OSBPL6: variants seen among roughly 807,000 people sequenced by gnomAD.
The protein encoded by OSBPL6 is oxysterol binding protein like 6.
OSBPL6 carries 49 observed loss-of-function variants against 125.8 expected under a neutral mutation model. The ratio of observed to expected loss-of-function variants is 0.39; its 90% CI spans 0.31 to 0.49. The LOEUF is 0.49. Among genes scored for constraint, OSBPL6 ranks in the 20% least tolerant of loss-of-function variants. The probability of loss-of-function intolerance (pLI) is 0.88; values close to 1 mark genes in which losing one functional copy is unlikely to be tolerated. For synonymous variants in OSBPL6, 394 were observed against 391.8 expected, an observed-to-expected ratio of 1.01 and a Z score of -0.07; for missense variants, 986 against 1,135.4, an observed-to-expected ratio of 0.87 and a Z score of 1.89.
chr2:178,331,651 G>A (rs373229948), intron 6 of OSBPL6, 46 bp downstream of exon 6: 29 of 1,583,108 alleles, frequency 1.8e-5, no homozygotes, highest in Non-Finnish European at 2.3e-5. Flanking sequence ...TTCGAATTCT[G>A]CTTGAAGTGA....
rs1311670976 is a variant in OSBPL6 at position 178,395,711 on chromosome 2, G to A, written c.*152G>A. 2 of 515,670 alleles carry A rather than the reference G, an allele frequency of 3.9e-6. No individual in the cohort carries two copies. Among genetic ancestry groups the A allele is most frequent in the Non-Finnish European group, 6.9e-6 (2 of 288,102 alleles). 31.9% of individuals were successfully genotyped at this position (515,670 alleles called of 1,614,324 possible). ...ATCTTTATAATGGACTTTCAGAAGT[G>A]CATTAGACAAGGCCCCTAACCACTT... On this transcript the variant is annotated 3_prime_UTR_variant, in exon 25 of 25. Coordinates refer to ENST00000190611, the MANE Select transcript of OSBPL6 (RefSeq NM_032523.4).
intron 1 of OSBPL6, among the ~76,000 whole-genome samples, chr2:178,253,344 A>C (rs2154005616): frequency 6.6e-6 from 1 of 152,332 alleles, no homozygotes; most frequent in African/African-American, 2.4e-5. Flanking sequence ...TATGAGCAGA[A>C]GTCATCACTG....
At chr2:178,300,282 A>C (rs1686162724) in intron 2 of OSBPL6, among the ~76,000 whole-genome samples, 1 of 152,174 alleles carries the variant, frequency 6.6e-6, no homozygotes, top group Admixed American at 6.5e-5. Context: ...GATGTTCCTC[A>C]TAGACAAGGA....
At chr2:178,309,419 T>C (rs1687066460) in intron 3 of OSBPL6, among the ~76,000 whole-genome samples, 1 of 152,222 alleles carries the variant, frequency 6.6e-6, no homozygotes, top group Non-Finnish European at 1.5e-5. Context: ...GTATTTTTAT[T>C]ACAAATTTTC....
At chr2:178,344,432 C>G in intron 11 of OSBPL6, 1 of 1,420,776 alleles carries the variant, frequency 7.0e-7, no homozygotes, top group Non-Finnish European at 9.9e-7. Flanking sequence ...ACTCCCCTGT[C>G]CTGATGGTGC....
intron 1 of OSBPL6, among the ~76,000 whole-genome samples, chr2:178,239,895 G>A (rs995173494): frequency 6.6e-6 from 1 of 151,844 alleles, no homozygotes; most frequent in Non-Finnish European, 1.5e-5. Context: ...TGAAAGTGCT[G>A]GGATTACAGG....
intron 1 of OSBPL6, among the ~76,000 whole-genome samples, chr2:178,205,521 T>C (rs1000148960): frequency 6.6e-6 from 1 of 152,108 alleles, no homozygotes; most frequent in African/African-American, 2.4e-5. Context: ...ACAACAAAGC[T>C]TCTAGAAAAA....
At chr2:178,262,039 G>A (rs902843342) in intron 1 of OSBPL6, among the ~76,000 whole-genome samples, 6 of 151,656 alleles carry the variant, frequency 4.0e-5, no homozygotes, top group Admixed American at 6.6e-5. Context: ...GAGGCAATGT[G>A]TAAGGCATTT....
chr2:178,219,717 G>GGCC (rs1405472970), intron 1 of OSBPL6, among the ~76,000 whole-genome samples: 1 of 152,190 alleles, frequency 6.6e-6, no homozygotes, highest in African/African-American at 2.4e-5. Flanking sequence ...CTAATTACGT[G>GGCC]CTGTTAAATC....
At chr2:178,362,098 C>T (rs763678591) in intron 13 of OSBPL6, among the ~76,000 whole-genome samples, 1 of 152,050 alleles carries the variant, frequency 6.6e-6, no homozygotes, top group South Asian at 2.1e-4. Flanking sequence ...TATAAGGTAG[C>T]CCCTCATTTT....
chr2:178,296,326 A>T (rs370063866), intron 2 of OSBPL6, among the ~76,000 whole-genome samples: 4 of 152,294 alleles, frequency 2.6e-5, no homozygotes, highest in South Asian at 4.1e-4. Context: ...AGTTATTACT[A>T]TCCCTGTTTT....
At position 178,332,978 on chromosome 2, in the gene OSBPL6, A is replaced by G. The variant is rs372381868; in HGVS notation, c.594A>G (p.Ile198Met). 3.3e-5 allele frequency: 54 copies of G among 1,614,062 alleles called. No homozygotes were observed. The highest frequency in any genetic ancestry group is 5.0e-5 in the Admixed American group (3 of 60,002). The change falls in exon 8 of 25, where the codon ATA becomes ATG. Residue 198 changes from isoleucine to methionine, a missense_variant. Physicochemically the swap from Ile to Met is conservative, Grantham distance 10. This residue lies in a region of OSBPL6 where 843 missense variants were observed against 997.3 expected (regional missense o/e 0.85). Coordinates refer to ENST00000190611, the MANE Select transcript of OSBPL6 (RefSeq NM_032523.4). The stretch of plus-strand genomic sequence containing the variant: ...CACCAAGAGATGCTAGTTTTCACAT[A>G]TTTCCTTCAACGTCCACAGCTGAAT... ...VRSPRDASFH[I>M]FPSTSTAESS...
chr2:178,310,911 C>T (rs945031420), intron 3 of OSBPL6, among the ~76,000 whole-genome samples: 3 of 152,292 alleles, frequency 2.0e-5, no homozygotes, highest in Middle Eastern at 3.4e-3. Context: ...TTGGTCTGAG[C>T]CACCGTCATT....
chr2:178,371,142 G>A (rs914916809), intron 13 of OSBPL6, among the ~76,000 whole-genome samples: 2 of 152,098 alleles, frequency 1.3e-5, no homozygotes, highest in African/African-American at 4.8e-5. Flanking sequence ...TCTTCTAATC[G>A]CTGATCTTAA....
At chr2:178,341,836 G>A (rs1025521126) in intron 11 of OSBPL6, among the ~76,000 whole-genome samples, 8 of 152,068 alleles carry the variant, frequency 5.3e-5, no homozygotes, top group Non-Finnish European at 1.2e-4. Flanking sequence ...AAACCAACAG[G>A]TCTTGCAGGA....
intron 2 of OSBPL6, among the ~76,000 whole-genome samples, chr2:178,295,465 C>T (rs1031268204): frequency 1.3e-5 from 2 of 152,190 alleles, no homozygotes; most frequent in Non-Finnish European, 2.9e-5. Flanking sequence ...TCCACTACAA[C>T]GGCAGTTTGA....
rs2088742180 is a variant in OSBPL6, at chr2:178,194,618, T to G, written c.-407T>G. On this transcript the variant is annotated 5_prime_UTR_variant, in exon 1 of 25. Transcript: ENST00000190611. The stretch of plus-strand genomic sequence containing the variant: ...CGGGGCCGGCTCTCCGCCTCCTGCC[T>G]CCCGTCGCAGCCGCGCAGCCGCCGC... 1 of 153,468 alleles carries G rather than the reference T, an allele frequency of 6.5e-6. No homozygotes were observed. The highest frequency in any genetic ancestry group is 1.4e-5 in the Non-Finnish European group (1 of 69,256). 9.5% of individuals were successfully genotyped at this position (153,468 alleles called of 1,614,324 possible).
chr2:178,246,903 A>G (rs888295034), intron 1 of OSBPL6, among the ~76,000 whole-genome samples: 4 of 152,144 alleles, frequency 2.6e-5, no homozygotes, highest in Non-Finnish European at 5.9e-5. Flanking sequence ...ACGTCTCTTC[A>G]CAATCACTAG....
chr2:178,322,362 T>G (rs1688318231), intron 3 of OSBPL6, among the ~76,000 whole-genome samples: 1 of 152,084 alleles, frequency 6.6e-6, no homozygotes, highest in Admixed American at 6.5e-5. Flanking sequence ...GACTGGAAGA[T>G]TAAAGTAAGC....
Sources: allele counts gnomAD v4.1 joint callset (sites outside exome capture counted in the v4.1 genomes callset), GRCh38; gene constraint gnomAD v4.1.1; regional missense constraint gnomAD v4.1.1; transcripts MANE v1.5; gene names NCBI Gene and HGNC (gene_info 2026-07-23, HGNC 2026-07-21).